IFT122: variants seen among roughly 807,000 people sequenced by gnomAD.
The protein encoded by IFT122 is intraflagellar transport protein 122 homolog.
Under a neutral mutation model 161.6 loss-of-function variants are expected in IFT122, and 118 were observed. The ratio of observed to expected loss-of-function variants is 0.73; its 90% confidence interval spans 0.63 to 0.85. The LOEUF is 0.85. Among genes scored for constraint, IFT122 ranks in the 40% least tolerant of loss-of-function variants. IFT122 has a pLI of 0.00. For synonymous variants in IFT122, 550 were observed against 602.4 expected (o/e 0.91, Z 1.27); for missense variants, 1,381 against 1,579.6 (o/e 0.87, Z 2.13).
intron 13 of IFT122, 111 bp from the exon 14 acceptor site, chr3:129,481,419 G>A (rs2078627387): frequency 1.0e-6 from 1 of 984,236 alleles, no homozygotes; most frequent in Admixed American, 1.8e-5. Flanking sequence ...AGCTTCTGGT[G>A]AAGGTGGTGG....
intron 19 of IFT122, 146 bp downstream of exon 19, chr3:129,500,214 C>T (rs2081363655): frequency 2.0e-6 from 2 of 995,154 alleles, no homozygotes; most frequent in Non-Finnish European, 3.1e-6. Context: ...ACAGAGATTG[C>T]ACAAGGCAGT....
chr3:129,483,928 A>G (rs1456668952), intron 15 of IFT122: 3 of 568,258 alleles, frequency 5.3e-6, no homozygotes, highest in Admixed American at 2.8e-5. Flanking sequence ...TTCTGTAGGG[A>G]TGGGAGGGGT....
At chr3:129,473,913 C>T (rs2077629660) in intron 9 of IFT122, among the ~76,000 whole-genome samples, 1 of 146,158 alleles carries the variant, frequency 6.8e-6, no homozygotes, top group Non-Finnish European at 1.5e-5. Context: ...ATAGTTGGTC[C>T]AGAGTTTATT....
chr3:129,464,499 G>T (rs561645828), intron 6 of IFT122, 136 bp from the exon 7 acceptor site: 1 of 991,654 alleles, frequency 1.0e-6, no homozygotes, highest in Non-Finnish European at 1.6e-6. Context: ...TGTCAGGACC[G>T]GCAATAATGA....
intron 12 of IFT122, among the ~76,000 whole-genome samples, chr3:129,478,501 C>T (rs1301593955): frequency 6.6e-6 from 1 of 152,166 alleles, no homozygotes; most frequent in East Asian, 1.9e-4. Context: ...GTTGCCCAGG[C>T]TGGAATGCAG....
chr3:129,477,663 G>T (rs2078117379), intron 11 of IFT122, among the ~76,000 whole-genome samples: 1 of 152,230 alleles, frequency 6.6e-6, no homozygotes, highest in Non-Finnish European at 1.5e-5. Flanking sequence ...AAGGAGGTGG[G>T]CAGGGAGCGG....
chr3:129,470,224 A>G (rs1158701291), intron 9 of IFT122, among the ~76,000 whole-genome samples: 1 of 151,936 alleles, frequency 6.6e-6, no homozygotes, highest in Non-Finnish European at 1.5e-5. Flanking sequence ...GAAGAGGAAC[A>G]TGGGGGTATG....
chr3:129,481,381 C>A (rs2078622736), intron 13 of IFT122, 149 bp from the exon 14 acceptor site: 1 of 661,250 alleles, frequency 1.5e-6, no homozygotes, highest in Non-Finnish European at 2.7e-6. Context: ...CCCCCTCTTT[C>A]TTTTGATGAG....
intron 3 of IFT122, among the ~76,000 whole-genome samples, chr3:129,453,089 A>G (rs1187602257): frequency 1.3e-5 from 2 of 152,178 alleles, no homozygotes; most frequent in East Asian, 3.8e-4. Flanking sequence ...AGTTTTATAC[A>G]TGCTGAATTT....
At chr3:129,497,302 C>T (rs1275628563) in intron 18 of IFT122, among the ~76,000 whole-genome samples, 1 of 152,184 alleles carries the variant, frequency 6.6e-6, no homozygotes, top group East Asian at 1.9e-4. Flanking sequence ...CTTGGTGCCC[C>T]AGAGCTGGTG....
At position 129,440,377 on chromosome 3, in the gene IFT122, G is replaced by T. The variant is rs768718379; in HGVS notation, c.41+6G>T. 1 of 1,550,558 alleles carries T rather than the reference G, an allele frequency of 6.4e-7. No individual in the cohort carries two copies. Reference sequence around the variant, plus strand: ...AGAGATAAAGCCGAGCACTGGTGAGGAGCGGGGCGGTTCGCGAAGAGCAGG... The same window carrying T: ...AGAGATAAAGCCGAGCACTGGTGAGTAGCGGGGCGGTTCGCGAAGAGCAGG... On this transcript the variant is annotated splice_donor_region_variant and intron_variant, in intron 1 of 29. Transcript: ENST00000348417.
intron 17 of IFT122, among the ~76,000 whole-genome samples, chr3:129,492,813 T>A (rs1460543996): frequency 6.7e-6 from 1 of 148,522 alleles, no homozygotes; most frequent in East Asian, 2.1e-4. Context: ...ATGCTTTTTT[T>A]TTCTTTTTTT....
chr3:129,506,106 T>C lies in IFT122; in HGVS notation c.2651-303T>C, dbSNP rs558117421. 9.5e-4 allele frequency among the ~76,000 whole-genome samples: 144 copies of C among 152,268 alleles called. 1 individual carries two copies. The highest frequency in any genetic ancestry group is 3.3e-3 in the African/African-American group (136 of 41,558). On this transcript the variant is annotated intron_variant, in intron 21 of 29. Transcript: ENST00000348417. ...GCAGGGGGCAGAACCTCACTGAAGA[T>C]GAGCAAGTTTCACTCTTAGACTTTG...
At chr3:129,514,180 GT>G (rs1560011600) in intron 24 of IFT122, 2 of 696,126 alleles carry the variant, frequency 2.9e-6, no homozygotes, top group South Asian at 3.0e-5. Flanking sequence ...AAACTACGCT[GT>G]TTTTATCTTT....
intron 8 of IFT122, among the ~76,000 whole-genome samples, chr3:129,468,000 C>T (rs1032959820): frequency 1.3e-5 from 2 of 152,212 alleles, no homozygotes; most frequent in East Asian, 3.8e-4. Flanking sequence ...GGACTGAGCC[C>T]AGCCCAGAGC....
In IFT122 at chr3:129,503,034, A is replaced by G. The variant is rs1426260071; in HGVS notation, c.2547+152A>G. On this transcript the variant is annotated intron_variant, in intron 20 of 29. Coordinates refer to ENST00000348417, the MANE Select transcript of IFT122 (RefSeq NM_052989.3). ...CTGGCAGTCAGGTAACTTAACCTCG[A>G]ATTCTCTGAGCCACAGAATCGTGGA... 7.3e-6 allele frequency: 5 copies of G among 687,520 alleles called. No homozygotes were observed. In the South Asian group the frequency reaches 9.3e-5, roughly 13 times the overall value. The allele number at this position is 687,520 out of a possible 1,614,324, so 42.6% of individuals were successfully genotyped here.
At chr3:129,495,265 CT>C (rs1473136159) in intron 17 of IFT122, among the ~76,000 whole-genome samples, 180 bp from the exon 18 acceptor site, 1 of 152,208 alleles carries the variant, frequency 6.6e-6, no homozygotes, top group African/African-American at 2.4e-5. Context: ...TAAAAGCCTG[CT>C]TTTGTTGTCA....
rs1357944893 is a variant in IFT122 at position 129,476,788 on chromosome 3, C to G, written c.1134C>G (p.Ile378Met). The change falls in exon 11 of 30, where the codon ATC becomes ATG. Residue 378 changes from isoleucine (I) to methionine (M), a missense_variant. Coordinates refer to ENST00000348417, the MANE Select transcript of IFT122 (RefSeq NM_052989.3). ...CTGACGTCATTGTGCAGCACCTGAT[C>G]ACTGAGCAGAAAGGTAAGAGGCAGG... Reference protein sequence around the residue: ...SMTDVIVQHLITEQKVRIKCK... With the variant: ...SMTDVIVQHLMTEQKVRIKCK... The G allele has an allele frequency of 6.2e-7, 1 of 1,614,018 alleles. No homozygotes were observed. The highest frequency in any genetic ancestry group is 8.5e-7 in the Non-Finnish European group (1 of 1,180,036).
chr3:129,453,323 CTG>C (rs1318316797), intron 3 of IFT122, among the ~76,000 whole-genome samples: 1 of 151,756 alleles, frequency 6.6e-6, no homozygotes, highest in Non-Finnish European at 1.5e-5. Flanking sequence ...GCAACAGCAA[CTG>C]AGAGTGGCAA....
Sources: allele counts gnomAD v4.1 joint callset (sites outside exome capture counted in the v4.1 genomes callset), GRCh38; gene constraint gnomAD v4.1.1; transcripts MANE v1.5; gene names NCBI Gene and HGNC (gene_info 2026-07-23, HGNC 2026-07-21).